Variants in ETV5 observed in about 807,000 individuals in gnomAD.
ETV5 encodes the protein ETS translocation variant 5.
Under a neutral mutation model 70.0 loss-of-function variants are expected in ETV5, and 10 were observed. The observed-to-expected ratio is 0.14, with a 90% CI of 0.09 to 0.24. The LOEUF is 0.24. Among genes scored for constraint, ETV5 ranks in the 10% least tolerant of loss-of-function variants. ETV5 has a pLI of 1.00. For synonymous variants in ETV5, 216 were observed against 242.2 expected (o/e 0.89, Z 1.01); for missense variants, 453 against 651.2 (o/e 0.70, Z 3.31).
At position 186,081,192 on chromosome 3, in the gene ETV5, G is replaced by A. The variant is rs1713926452; in HGVS notation, c.233-17C>T. On this transcript the variant is annotated splice_polypyrimidine_tract_variant and intron_variant, in intron 5 of 12. Transcript: ENST00000306376. ...GAAGCACCACTGAAATCAGAAGAGGGATGAGAGGGGAATAGAGAGAGAACA... is the reference window on the plus strand; with the variant it reads ...GAAGCACCACTGAAATCAGAAGAGGAATGAGAGGGGAATAGAGAGAGAACA... The A allele has an allele frequency of 1.2e-6, 2 of 1,609,116 alleles. No individual in the cohort carries two copies. The highest frequency in any genetic ancestry group is 2.2e-5 in the East Asian group (1 of 44,728).
intron 5 of ETV5, among the ~76,000 whole-genome samples, chr3:186,104,233 G>A (rs558748395): frequency 1.5e-3 from 235 of 152,218 alleles, no homozygotes; most frequent in African/African-American, 5.5e-3. Flanking sequence ...TTCATCAGCC[G>A]GCTTTGTCCT....
At chr3:186,066,693 TA>T (rs1260419661) in intron 7 of ETV5, among the ~76,000 whole-genome samples, 5 of 152,162 alleles carry the variant, frequency 3.3e-5, no homozygotes, top group African/African-American at 7.2e-5. Flanking sequence ...CACTGAAAAT[TA>T]ATCTATAAAA....
intron 9 of ETV5, chr3:186,064,125 T>C: frequency 2.4e-6 from 1 of 422,756 alleles, no homozygotes; most frequent in Non-Finnish European, 4.3e-6. Context: ...GTTAAAAAGT[T>C]GGGGTCATTG....
rs779983130 is a variant in ETV5 at position 186,048,662 on chromosome 3, A to G, written c.1510T>C (p.Tyr504His). ...LDMDRCSSLP[Y>H]AEGFAY ...ACTTAGTAAGCAAAGCCTTCGGCAT[A>G]GGGGAGGCTGCTGCAGCGGTCCATG... is the stretch of plus-strand genomic sequence containing the variant. Residue 504 changes from tyrosine (Y) to histidine (H), a missense_variant, in exon 13 of 13, where the codon TAT becomes CAT. By Grantham distance (83) the Tyr-to-His change is moderately conservative. Coordinates refer to ENST00000306376, the MANE Select transcript of ETV5 (RefSeq NM_004454.3). 4 of 1,614,058 alleles carry G rather than the reference A, an allele frequency of 2.5e-6. No homozygotes were observed. In the African/African-American group the frequency reaches 4.0e-5, roughly 16 times the overall value.
Position 186,048,252 on chromosome 3 carries a change from T to G in ETV5, c.*387A>C, listed in dbSNP as rs941652262. On this transcript the variant is annotated 3_prime_UTR_variant, in exon 13 of 13. Transcript: ENST00000306376. Reference sequence around the variant, plus strand: ...CAACAAATTGTGCAAATCAGAGCCCTTCTATGTAAAGGCATTTAGTAGTCC... The same window carrying G: ...CAACAAATTGTGCAAATCAGAGCCCGTCTATGTAAAGGCATTTAGTAGTCC... 5.1e-5 allele frequency: 14 copies of G among 274,402 alleles called. No homozygotes were observed. The highest frequency in any genetic ancestry group is 2.6e-4 in the African/African-American group (12 of 46,420). The allele number at this position is 274,402 out of a possible 1,614,324, so 17.0% of individuals were successfully genotyped here.
rs1713105404 is a variant in ETV5 at position 186,054,320 on chromosome 3, G to A, written c.1210-2189C>T. Among the ~76,000 whole-genome samples the A allele has an allele frequency of 6.6e-6, 1 of 152,216 alleles. No individual in the cohort carries two copies. Among genetic ancestry groups the A allele is most frequent in the Admixed American group, 6.5e-5 (1 of 15,276 alleles). ...TATCTTGAGGACTGAGGCTGAAGGA[G>A]TTAACGGATCTACCTATTCCTTCTC... On this transcript the variant is annotated intron_variant, in intron 11 of 12. Coordinates refer to ENST00000306376, the MANE Select transcript of ETV5 (RefSeq NM_004454.3). This position sits in a 1 kb window ranked among gnomAD's most constrained non-coding sequence, Gnocchi z 4.4.
chr3:186,051,842 T>C (rs940879091), intron 12 of ETV5, among the ~76,000 whole-genome samples, 188 bp downstream of exon 12: 7 of 152,324 alleles, frequency 4.6e-5, no homozygotes, highest in Admixed American at 2.0e-4. Flanking sequence ...ACCAACAGCA[T>C]CAAATGTACT....
intron 5 of ETV5, among the ~76,000 whole-genome samples, chr3:186,097,336 T>C (rs1714329381): frequency 6.6e-6 from 1 of 152,182 alleles, no homozygotes; most frequent in South Asian, 2.1e-4. Context: ...ACTACAACTT[T>C]GTCTCCCCCT....
chr3:186,055,912 T>C (rs1233421647), intron 11 of ETV5, among the ~76,000 whole-genome samples: 5 of 152,216 alleles, frequency 3.3e-5, no homozygotes, highest in Non-Finnish European at 7.4e-5. Context: ...AACCCAAAGA[T>C]GCCTTTTGAT....
intron 9 of ETV5, among the ~76,000 whole-genome samples, chr3:186,060,302 G>A (rs1220821217): frequency 1.3e-5 from 2 of 152,212 alleles, no homozygotes; most frequent in Non-Finnish European, 2.9e-5. Flanking sequence ...CTGCCTATAA[G>A]AAGTATCACT....
rs530982403 is a variant in ETV5 at position 186,073,930 on chromosome 3, G to C, written c.650+5887C>G. ...GTGCTTACATATTATAAAGAAAAAGGGCTAAAAATTAGTGAGCTAATCATA... is the reference window on the plus strand; with the variant it reads ...GTGCTTACATATTATAAAGAAAAAGCGCTAAAAATTAGTGAGCTAATCATA... On this transcript the variant is annotated intron_variant, in intron 7 of 12. Transcript: ENST00000306376. Among the ~76,000 whole-genome samples, 13 of 152,148 alleles carry C rather than the reference G, an allele frequency of 8.5e-5. No homozygotes were observed. The East Asian group carries it at 2.1e-3, about 25-fold the overall frequency.
chr3:186,052,169 T>C lies in ETV5; in HGVS notation c.1210-38A>G. On this transcript the variant is annotated intron_variant, in intron 11 of 12. Coordinates refer to ENST00000306376, the MANE Select transcript of ETV5 (RefSeq NM_004454.3). The surrounding 1 kb of genome is among the most constrained non-coding windows in gnomAD (Gnocchi z 4.5). Reference sequence around the variant, plus strand: ...GAAAGTGAAGAGCAATGGAAACGCATTCCCTGGGCCCCATGTTCTCTCCCA... The same window carrying C: ...GAAAGTGAAGAGCAATGGAAACGCACTCCCTGGGCCCCATGTTCTCTCCCA... 6.3e-7 allele frequency: 1 copy of C among 1,591,514 alleles called. No individual in the cohort carries two copies. Among genetic ancestry groups the C allele is most frequent in the Non-Finnish European group, 8.6e-7 (1 of 1,160,242 alleles).
intron 9 of ETV5, among the ~76,000 whole-genome samples, chr3:186,060,253 A>C (rs1048098120): frequency 6.6e-6 from 1 of 152,228 alleles, no homozygotes; most frequent in African/African-American, 2.4e-5. Flanking sequence ...ATCTAGAAGA[A>C]ATTCTCAGTT....
intron 1 of ETV5, among the ~76,000 whole-genome samples, chr3:186,107,994 A>T (rs1578566598): frequency 6.6e-6 from 1 of 151,378 alleles, no homozygotes; most frequent in East Asian, 1.9e-4. Context: ...TTCATTCACA[A>T]AAAGGGAAGA....
intron 7 of ETV5, among the ~76,000 whole-genome samples, chr3:186,074,860 A>AG (rs1491378492): frequency 5.1e-5 from 5 of 98,398 alleles, no homozygotes; most frequent in African/African-American, 2.6e-4. Flanking sequence ...CTCTGTCTCC[A>AG]AAAAAAAAAA....
In ETV5 at chr3:186,064,998, T is replaced by C. The variant is rs79549742; in HGVS notation, c.911-522A>G. 2.0e-4 allele frequency among the ~76,000 whole-genome samples: 31 copies of C among 152,262 alleles called. No homozygotes were observed. In the East Asian group the frequency reaches 5.2e-3, roughly 26 times the overall value. On this transcript the variant is annotated intron_variant, in intron 8 of 12. Coordinates refer to ENST00000306376, the MANE Select transcript of ETV5 (RefSeq NM_004454.3). ...TGAAGTTAGGAAGCCAGGACCAGCA[T>C]TGGAAGGGGTAGAGGATTGCAGTTT...
chr3:186,054,724 C>T lies in ETV5; in HGVS notation c.1209+2351G>A, dbSNP rs1713115905. On this transcript the variant is annotated intron_variant, in intron 11 of 12. Coordinates refer to ENST00000306376, the MANE Select transcript of ETV5 (RefSeq NM_004454.3). This position sits in a 1 kb window ranked among gnomAD's most constrained non-coding sequence, Gnocchi z 4.4. ...CTCCGCTTCACCCTTCAAGCTCCCCCATGACGACTTCTTACAGCTTTTTCC... is the reference window on the plus strand; with the variant it reads ...CTCCGCTTCACCCTTCAAGCTCCCCTATGACGACTTCTTACAGCTTTTTCC... 1.3e-5 allele frequency among the ~76,000 whole-genome samples: 2 copies of T among 152,120 alleles called. No homozygotes were observed. Among genetic ancestry groups the T allele is most frequent in the Non-Finnish European group, 2.9e-5 (2 of 68,024 alleles).
intron 5 of ETV5, among the ~76,000 whole-genome samples, chr3:186,103,620 A>AACACAC (rs10534124): frequency 0.031 from 4,453 of 142,814 alleles, 106 homozygotes; most frequent in African/African-American, 0.059. Flanking sequence ...TCATCTTGCA[A>AACACAC]ACACACACAC....
At chr3:186,079,412 C>A in intron 7 of ETV5, 1 of 240,542 alleles carries the variant, frequency 4.2e-6, no homozygotes, top group Non-Finnish European at 8.1e-6. Flanking sequence ...TATAAATCAG[C>A]AATTGTCCCT....
Sources: allele counts gnomAD v4.1 joint callset (sites outside exome capture counted in the v4.1 genomes callset), GRCh38; gene constraint gnomAD v4.1.1; non-coding constraint Gnocchi (gnomAD v3.1); transcripts MANE v1.5; gene names NCBI Gene and HGNC (gene_info 2026-07-23, HGNC 2026-07-21).